LXN: variants seen among roughly 807,000 people sequenced by gnomAD.
LXN encodes the protein MUM.
In LXN, 28 loss-of-function variants were observed where a neutral mutation model predicts 29.8. The ratio of observed to expected loss-of-function variants is 0.94; its 90% CI spans 0.70 to 1.29. LXN has a LOEUF of 1.29. Ranked by LOEUF, LXN falls within the 50% of genes most tolerant of loss-of-function variation. The probability of loss-of-function intolerance (pLI) is 0.00; values close to 1 mark genes in which losing one functional copy is unlikely to be tolerated. For synonymous variants in LXN, 77 were observed against 89.6 expected, an observed-to-expected ratio of 0.86 and a Z score of 0.80; for missense variants, 227 against 261.7, an observed-to-expected ratio of 0.87 and a Z score of 0.92.
At chr3:158,671,058 A>G (rs1293061119) in intron 1 of LXN, 39 bp from the exon 2 acceptor site, 4 of 1,474,864 alleles carry the variant, frequency 2.7e-6, no homozygotes, top group Non-Finnish European at 2.7e-6. Context: ...AGAAAATATT[A>G]TAACAACATT....
intron 1 of LXN, among the ~76,000 whole-genome samples, chr3:158,671,339 G>A (rs16829283): frequency 0.17 from 25,663 of 152,138 alleles, 2,366 homozygotes; most frequent in African/African-American, 0.23. Flanking sequence ...TTGAAACAGC[G>A]TTTAATTCTA....
intron 2 of LXN, 33 bp downstream of exon 2, chr3:158,670,924 C>A (rs752923944): frequency 2.0e-5 from 26 of 1,318,468 alleles, no homozygotes; most frequent in Non-Finnish European, 2.6e-5. Flanking sequence ...TAGAGTGAGA[C>A]CCTGTCTCAA....
Position 158,666,558 on chromosome 3 carries a change from G to C in LXN, c.*88C>G, listed in dbSNP as rs931424457. On this transcript the variant is annotated 3_prime_UTR_variant, in exon 6 of 6. Coordinates refer to ENST00000264265, the MANE Select transcript of LXN (RefSeq NM_020169.4). ...GACATTTATATAAAGTGACACTTTG[G>C]GATTATTTGGCCTCATAAGCTAGAT... 7.9e-6 allele frequency: 10 copies of C among 1,262,068 alleles called. No individual in the cohort carries two copies. The highest frequency in any genetic ancestry group is 3.0e-5 in the African/African-American group (2 of 67,362). 78.2% of individuals were successfully genotyped at this position (1,262,068 alleles called of 1,614,324 possible). A position where few individuals can be genotyped will look rare whatever the true frequency, so the allele number is the denominator to read the frequency against.
In LXN at chr3:158,668,136, C is replaced by T. The variant is rs189662854; in HGVS notation, c.507+860G>A. On this transcript the variant is annotated intron_variant, in intron 4 of 5. Coordinates refer to ENST00000264265, the MANE Select transcript of LXN (RefSeq NM_020169.4). Reference sequence around the variant, plus strand: ...GTCATTACAATTGTCCCTTAGTATCCATGGAGGATTGGTTCCAAGATTCCC... The same window carrying T: ...GTCATTACAATTGTCCCTTAGTATCTATGGAGGATTGGTTCCAAGATTCCC... Among the ~76,000 whole-genome samples, 48 of 152,238 alleles carry T rather than the reference C, an allele frequency of 3.2e-4. No homozygotes were observed. The East Asian group carries it at 9.1e-3, about 29-fold the overall frequency.
At position 158,672,488 on chromosome 3, in the gene LXN, G is replaced by A; in HGVS notation, c.-10C>T. The A allele has an allele frequency of 1.9e-6, 3 of 1,613,744 alleles. No homozygotes were observed. The highest frequency in any genetic ancestry group is 1.7e-5 in the Admixed American group (1 of 60,020). ...TCGGCGGGATTTCCATTCCGGATGA[G>A]CAGTGACTTCAGGGCTTGGGCTACT... On this transcript the variant is annotated 5_prime_UTR_variant, in exon 1 of 6. Transcript: ENST00000264265.
chr3:158,669,257 A>G (rs1362278759), intron 3 of LXN, 125 bp from the exon 4 acceptor site: 9 of 1,223,588 alleles, frequency 7.4e-6, no homozygotes, highest in Admixed American at 2.8e-5. Flanking sequence ...TAATTAAGCT[A>G]TGGATCTATA....
chr3:158,668,673 T>C (rs1395068078), intron 4 of LXN, among the ~76,000 whole-genome samples: 1 of 152,244 alleles, frequency 6.6e-6, no homozygotes, highest in Non-Finnish European at 1.5e-5. Flanking sequence ...TGCCTTGCTT[T>C]TGTTATGCTT....
rs758566018 is a variant in LXN at position 158,669,453 on chromosome 3, A to G, written c.350T>C (p.Leu117Pro). Residue 117 changes from leucine to proline, a missense_variant, in exon 3 of 6, where the codon CTA becomes CCA. Physicochemically the swap from Leu to Pro is moderately conservative, Grantham distance 98. Transcript: ENST00000264265. ...TATACCTGGAATATTTTGTGCTTCT[A>G]GCGGTTCCTTCATGGACTTAAGTCT... ...YQRLKSMKEP[L>P]EAQNIPDNFG... 11 of 1,612,736 alleles carry G rather than the reference A, an allele frequency of 6.8e-6. No homozygotes were observed. The Admixed American group carries it at 1.5e-4, about 22-fold the overall frequency.
At chr3:158,668,610 G>A (rs1336068093) in intron 4 of LXN, among the ~76,000 whole-genome samples, 1 of 152,338 alleles carries the variant, frequency 6.6e-6, no homozygotes, top group East Asian at 1.9e-4. Context: ...TTTTGAAAGT[G>A]CAGTCTAGAT....
chr3:158,668,233 C>T (rs1723906384), intron 4 of LXN, among the ~76,000 whole-genome samples: 1 of 152,192 alleles, frequency 6.6e-6, no homozygotes, highest in Admixed American at 6.5e-5. Context: ...ATAACCTATG[C>T]ATACCTTCTC....
In LXN at chr3:158,672,517, G is replaced by T; in HGVS notation, c.-39C>A. 6.2e-7 allele frequency: 1 copy of T among 1,611,322 alleles called. No homozygotes were observed. Among genetic ancestry groups the T allele is most frequent in the Non-Finnish European group, 8.5e-7 (1 of 1,178,426 alleles). ...TGACTTCAGGGCTTGGGCTACTCTG[G>T]CTTAACGGGACCAGTAGCAGAGCGC... On this transcript the variant is annotated 5_prime_UTR_variant, in exon 1 of 6. Coordinates refer to ENST00000264265, the MANE Select transcript of LXN (RefSeq NM_020169.4).
In LXN at chr3:158,666,869, G is replaced by A. The variant is rs1163510153; in HGVS notation, c.571-125C>T. On this transcript the variant is annotated intron_variant, in intron 5 of 5. Transcript: ENST00000264265. ...AGAATAGTACTTTTGTTAAATTGCT[G>A]CAATTATAATATACTTAAATCTGGT... The A allele has an allele frequency of 1.2e-5, 17 of 1,433,396 alleles. No homozygotes were observed. The East Asian group carries it at 3.7e-4, about 31-fold the overall frequency. The allele number at this position is 1,433,396 out of a possible 1,614,324, so 88.8% of individuals were successfully genotyped here. A position where few individuals can be genotyped will look rare whatever the true frequency, so the allele number is the denominator to read the frequency against.
chr3:158,670,998 T>C lies in LXN; in HGVS notation c.151A>G (p.Lys51Glu). 1 of 1,537,738 alleles carries C rather than the reference T, an allele frequency of 6.5e-7. No individual in the cohort carries two copies. Among genetic ancestry groups the C allele is most frequent in the Non-Finnish European group, 8.7e-7 (1 of 1,146,512 alleles). ...SMEDIPGRGH[K>E]YHLKFAVEEI... is the part of the protein sequence containing the mutation. ...TCAACAGCAAATTTAAGGTGATACT[T>C]ATGTCCTCTTCCTGGAATATCCTAA... Residue 51 changes from lysine to glutamate, a missense_variant, in exon 2 of 6, where the codon AAG (lysine) becomes GAG (glutamate). By Grantham distance (56) the Lys-to-Glu change is moderately conservative (BLOSUM62 1). Transcript: ENST00000264265.
At position 158,669,421 on chromosome 3, in the gene LXN, A is replaced by G. The variant is rs1724044998; in HGVS notation, c.370+12T>C. On this transcript the variant is annotated intron_variant, in intron 3 of 5. Coordinates refer to ENST00000264265, the MANE Select transcript of LXN (RefSeq NM_020169.4). ...GAATCAAACAAATGGTTTTCATGCC[A>G]TATTTATATACCTGGAATATTTTGT... 1 of 1,596,878 alleles carries G rather than the reference A, an allele frequency of 6.3e-7. No individual in the cohort carries two copies. Among genetic ancestry groups the G allele is most frequent in the Non-Finnish European group, 8.5e-7 (1 of 1,172,126 alleles).
At chr3:158,669,328 TGTAA>T (rs1724036672) in intron 3 of LXN, 101 bp downstream of exon 3, 2 of 1,288,822 alleles carry the variant, frequency 1.6e-6, no homozygotes, top group Admixed American at 2.7e-5. Flanking sequence ...TGCAAAAGCC[TGTAA>T]GTTTCTAACA....
intron 1 of LXN, among the ~76,000 whole-genome samples, chr3:158,672,071 C>T (rs17630607): frequency 0.18 from 26,897 of 152,124 alleles, 2,457 homozygotes; most frequent in Non-Finnish European, 0.22. Context: ...AGTGCTGCCC[C>T]TTACCTAGAG....
intron 2 of LXN, 106 bp downstream of exon 2, chr3:158,670,851 C>A: frequency 7.8e-7 from 1 of 1,286,850 alleles, no homozygotes; most frequent in Non-Finnish European, 9.9e-7. Context: ...GGAAGATGGC[C>A]TGAGCCCGGG....
chr3:158,668,851 G>T, intron 4 of LXN, 145 bp downstream of exon 4: 1 of 651,624 alleles, frequency 1.5e-6, no homozygotes, highest in South Asian at 2.4e-5. Context: ...CTCTAATCTT[G>T]ATTGTACCTG....
rs145151855 is a variant in LXN, at chr3:158,672,450, G to C, written c.29C>G (p.Ala10Gly). 8.7e-6 allele frequency: 14 copies of C among 1,613,974 alleles called. No individual in the cohort carries two copies. In the African/African-American group the frequency reaches 1.7e-4, roughly 20 times the overall value. The part of the protein sequence containing the change: MEIPPTNYP[A>G]SRAALVAQNY... ...CTGTGCCACCAAGGCCGCCCTGGAG[G>C]CTGGGTAGTTGGTCGGCGGGATTTC... The change falls in exon 1 of 6, where the codon GCC becomes GGC. Residue 10 changes from alanine to glycine, a missense_variant. Ala to Gly is a moderately conservative substitution (Grantham distance 60). Transcript: ENST00000264265.
Sources: allele counts gnomAD v4.1 joint callset (sites outside exome capture counted in the v4.1 genomes callset), GRCh38; gene constraint gnomAD v4.1.1; transcripts MANE v1.5; gene names NCBI Gene and HGNC (gene_info 2026-07-23, HGNC 2026-07-21).